PLPPR4: variants seen among roughly 807,000 people sequenced by gnomAD.
The protein encoded by PLPPR4 is phospholipid phosphatase related 4, also known as phospholipid phosphatase-related protein type 4.
In PLPPR4, 24 loss-of-function variants were observed where a neutral mutation model predicts 56.6. The observed-to-expected ratio is 0.42, with a 90% CI of 0.31 to 0.60. PLPPR4 has a LOEUF of 0.60. Ranked by LOEUF, PLPPR4 falls within the 20% of genes least tolerant of loss-of-function variation. The pLI, the probability that PLPPR4 is intolerant of heterozygous loss-of-function variation, is 0.13. For synonymous variants in PLPPR4, 326 were observed against 328.1 expected, an observed-to-expected ratio of 0.99 and a Z score of 0.07; for missense variants, 654 against 885.8, an observed-to-expected ratio of 0.74 and a Z score of 3.32.
intron 1 of PLPPR4, among the ~76,000 whole-genome samples, chr1:99,274,137 G>A (rs1659126783): frequency 6.6e-6 from 1 of 151,726 alleles, no homozygotes; most frequent in Admixed American, 6.6e-5. Context: ...CTGTGCCTAT[G>A]GTAAAACAAA....
chr1:99,305,582 A>G, intron 6 of PLPPR4, 103 bp from the exon 7 acceptor site: 5 of 1,058,380 alleles, frequency 4.7e-6, no homozygotes, highest in Non-Finnish European at 7.0e-6. Context: ...TCAATGGTGT[A>G]TAGGAAGCAT....
At chr1:99,269,025 C>T (rs973464972) in intron 1 of PLPPR4, among the ~76,000 whole-genome samples, 2 of 152,148 alleles carry the variant, frequency 1.3e-5, no homozygotes, top group Non-Finnish European at 2.9e-5. Context: ...TTGCTGCACC[C>T]ATCAACCTGC....
At chr1:99,301,103 C>A in intron 5 of PLPPR4, 137 bp downstream of exon 5, 1 of 705,554 alleles carries the variant, frequency 1.4e-6, no homozygotes, top group Non-Finnish European at 2.5e-6. Context: ...CCTTTCAATA[C>A]AATGGCATCC....
chr1:99,307,109 T>G lies in PLPPR4; in HGVS notation c.*99T>G. The G allele has an allele frequency of 2.1e-6, 3 of 1,408,472 alleles. No individual in the cohort carries two copies. Among genetic ancestry groups the G allele is most frequent in the Non-Finnish European group, 2.9e-6 (3 of 1,046,556 alleles). The allele number at this position is 1,408,472 out of a possible 1,614,324, so 87.2% of individuals were successfully genotyped here. A position where few individuals can be genotyped will look rare whatever the true frequency, so the allele number is the denominator to read the frequency against. On this transcript the variant is annotated 3_prime_UTR_variant, in exon 7 of 7. Transcript: ENST00000370185. ...AATTGGGAAGTCTCACCAAGCTAGA[T>G]TGTCTACCATCAGCCCAGAACTCTG...
intron 1 of PLPPR4, among the ~76,000 whole-genome samples, chr1:99,271,323 C>T (rs532699417): frequency 1.3e-5 from 2 of 152,252 alleles, no homozygotes; most frequent in East Asian, 3.9e-4. Context: ...TTACCAGGGA[C>T]ACATAGCAAT....
chr1:99,297,048 G>A lies in PLPPR4; in HGVS notation c.394+181G>A, dbSNP rs1002296650. 2.0e-4 allele frequency among the ~76,000 whole-genome samples: 31 copies of A among 152,130 alleles called. 1 individual carries two copies. Among genetic ancestry groups the A allele is most frequent in the Non-Finnish European group, 5.9e-5 (4 of 68,016 alleles). ...AAAATTTGGGTTTTGTATCTGAAAT[G>A]TGTTATTTACAGTTGTAGCCCTTGT... On this transcript the variant is annotated intron_variant, in intron 3 of 6. Transcript: ENST00000370185.
intron 2 of PLPPR4, among the ~76,000 whole-genome samples, chr1:99,290,603 C>A (rs1659590885): frequency 1.3e-5 from 2 of 152,076 alleles, no homozygotes; most frequent in African/African-American, 2.4e-5. Context: ...AGACATAGAT[C>A]AATGGAACAG....
At chr1:99,296,657 G>A (rs1659749159) in intron 2 of PLPPR4, 81 bp from the exon 3 acceptor site, 6 of 1,159,582 alleles carry the variant, frequency 5.2e-6, no homozygotes, top group Non-Finnish European at 7.1e-6. Context: ...ATGTTAAAAA[G>A]TGATATATAA....
chr1:99,270,531 T>C (rs868116329), intron 1 of PLPPR4, among the ~76,000 whole-genome samples: 1 of 152,346 alleles, frequency 6.6e-6, no homozygotes, highest in African/African-American at 2.4e-5. Context: ...TTGTGGCTTC[T>C]TGACAAAACC....
chr1:99,284,626 G>A (rs1570913657), intron 1 of PLPPR4, among the ~76,000 whole-genome samples: 2 of 151,540 alleles, frequency 1.3e-5, no homozygotes, highest in East Asian at 3.9e-4. Flanking sequence ...TTTAAAACAT[G>A]CTTCTATAGA....
At chr1:99,263,323 A>G (rs1658808620), upstream of PLPPR4, among the ~76,000 whole-genome samples, 1 of 152,180 alleles carries the variant, frequency 6.6e-6, no homozygotes, top group African/African-American at 2.4e-5. Context: ...AAGCAATTAT[A>G]TTGCTAGACT....
At chr1:99,300,517 A>G (rs935258175) in intron 4 of PLPPR4, among the ~76,000 whole-genome samples, 15 of 152,060 alleles carry the variant, frequency 9.9e-5, no homozygotes, top group Admixed American at 4.6e-4. Flanking sequence ...CAATGTGTTT[A>G]GGAGCATAGA....
rs1005006154 is a variant in PLPPR4 at position 99,308,038 on chromosome 1, T to C, written c.*1028T>C. On this transcript the variant is annotated 3_prime_UTR_variant, in exon 7 of 7. Coordinates refer to ENST00000370185, the MANE Select transcript of PLPPR4 (RefSeq NM_014839.5). ...CCAAAACTTGACATTGTGGGTTACATTGCCAGAAATGTTGGTCAAGTTTGC... is the reference window on the plus strand; with the variant it reads ...CCAAAACTTGACATTGTGGGTTACACTGCCAGAAATGTTGGTCAAGTTTGC... 5.3e-5 allele frequency: 8 copies of C among 152,224 alleles called. 1 individual carries two copies. The highest frequency in any genetic ancestry group is 7.3e-5 in the Non-Finnish European group (5 of 68,038). 9.4% of individuals were successfully genotyped at this position (152,224 alleles called of 1,614,324 possible).
intron 1 of PLPPR4, among the ~76,000 whole-genome samples, chr1:99,285,417 C>T (rs1038963669): frequency 1.3e-5 from 2 of 152,028 alleles, no homozygotes; most frequent in African/African-American, 4.8e-5. Flanking sequence ...CACCACGAAG[C>T]GCTGATTTAT....
chr1:99,301,201 C>T (rs1165954036), intron 5 of PLPPR4, among the ~76,000 whole-genome samples: 1 of 151,890 alleles, frequency 6.6e-6, no homozygotes, highest in Non-Finnish European at 1.5e-5. Flanking sequence ...ATTCTGGTAT[C>T]CCTTTAATAT....
chr1:99,304,652 G>C (rs1659971460), intron 6 of PLPPR4, among the ~76,000 whole-genome samples: 1 of 152,172 alleles, frequency 6.6e-6, no homozygotes, highest in African/African-American at 2.4e-5. Flanking sequence ...ATTTCTGTCT[G>C]TACTCTTGCC....
intron 1 of PLPPR4, among the ~76,000 whole-genome samples, chr1:99,270,028 TG>T (rs1446457807): frequency 1.3e-5 from 2 of 151,400 alleles, no homozygotes; most frequent in African/African-American, 4.9e-5. Context: ...TGTGTGTGTG[TG>T]TGTGTGTGTG....
At chr1:99,280,202 A>C (rs1468184127) in intron 1 of PLPPR4, among the ~76,000 whole-genome samples, 4 of 152,096 alleles carry the variant, frequency 2.6e-5, no homozygotes, top group Non-Finnish European at 2.9e-5. Flanking sequence ...ATGTTTCCCA[A>C]CTTAGACACC....
At chr1:99,287,839 T>C in intron 1 of PLPPR4, 126 bp from the exon 2 acceptor site, 1 of 701,960 alleles carries the variant, frequency 1.4e-6, no homozygotes. Flanking sequence ...TAATAGAACT[T>C]ATGAATGATT....
Sources: allele counts gnomAD v4.1 joint callset (sites outside exome capture counted in the v4.1 genomes callset), GRCh38; gene constraint gnomAD v4.1.1; transcripts MANE v1.5; gene names NCBI Gene and HGNC (gene_info 2026-07-23, HGNC 2026-07-21).